The following RYR3 variants were observed in gnomAD, a reference collection of about 807,000 sequenced individuals.
RYR3 encodes ryanodine receptor 3.
In RYR3, 207 loss-of-function variants were observed where a neutral mutation model predicts 584.3. That is an observed-to-expected ratio of 0.35 (90% CI 0.32 to 0.40). The LOEUF (loss-of-function observed/expected upper bound fraction) is 0.40, where lower values mean the gene tolerates loss of function less well. Among genes scored for constraint, RYR3 ranks in the 10% least tolerant of loss-of-function variants. The pLI, the probability that RYR3 is intolerant of heterozygous loss-of-function variation, is 1.00. For synonymous variants in RYR3, 2,416 were observed against 2,248.5 expected, an observed-to-expected ratio of 1.07 and a Z score of -2.11; for missense variants, 5,616 against 6,089.2, an observed-to-expected ratio of 0.92 and a Z score of 2.59.
In RYR3 at chr15:33,603,146, G is replaced by A. The variant is rs1274684967; in HGVS notation, c.1946G>A (p.Gly649Glu). The A allele has an allele frequency of 6.2e-7, 1 of 1,613,750 alleles. No homozygotes were observed. Among genetic ancestry groups the A allele is most frequent in the Non-Finnish European group, 8.5e-7 (1 of 1,179,840 alleles). The part of the protein sequence containing the change: ...VTSIRPNIFL[G>E]VAEGSAQYKK... ...AGTATCCGGCCAAACATCTTCCTGGGAGTCGCGGAGGGCTCAGCCCAGTAC... is the reference window on the plus strand; with the variant it reads ...AGTATCCGGCCAAACATCTTCCTGGAAGTCGCGGAGGGCTCAGCCCAGTAC... The change falls in exon 18 of 104, where the codon GGA (glycine) becomes GAA (glutamate). Residue 649 changes from glycine (G) to glutamate (E), a missense_variant. Transcript: ENST00000634891.
chr15:33,478,440 C>T (rs760253770), intron 2 of RYR3, among the ~76,000 whole-genome samples: 5 of 152,180 alleles, frequency 3.3e-5, no homozygotes, highest in Non-Finnish European at 7.3e-5. Context: ...TCCACAAAGG[C>T]AGCCCCAGCT....
At chr15:33,647,815 A>T (rs1180895638) in intron 30 of RYR3, among the ~76,000 whole-genome samples, 2 of 152,138 alleles carry the variant, frequency 1.3e-5, no homozygotes, top group Non-Finnish European at 2.9e-5. Context: ...AACTTTTGTG[A>T]GTCAGCTGCC....
chr15:33,726,328 G>A (rs1380242807), intron 45 of RYR3, 58 bp from the exon 46 acceptor site: 13 of 1,600,292 alleles, frequency 8.1e-6, no homozygotes, highest in African/African-American at 1.3e-5. Flanking sequence ...TGGAGGTGGG[G>A]TGGAGGGAGG....
Position 33,853,107 on chromosome 15 carries a change from G to A in RYR3, c.13671+20G>A. ...AGAAAGGTATGCCTTGTTAGTGGGG[G>A]TGAGTTCCGTGATCACCAAAAAATG... is the stretch of plus-strand genomic sequence containing the variant. On this transcript the variant is annotated intron_variant, in intron 95 of 103. Coordinates refer to ENST00000634891, the MANE Select transcript of RYR3 (RefSeq NM_001036.6). 1 of 1,558,090 alleles carries A rather than the reference G, an allele frequency of 6.4e-7. No homozygotes were observed. The highest frequency in any genetic ancestry group is 8.7e-7 in the Non-Finnish European group (1 of 1,154,022).
At chr15:33,799,156 C>T (rs532084004) in intron 67 of RYR3, among the ~76,000 whole-genome samples, 104 of 152,150 alleles carry the variant, frequency 6.8e-4, no homozygotes, top group Non-Finnish European at 1.2e-3. Context: ...CACAGAGCTC[C>T]CAAAACTCAT....
Position 33,780,330 on chromosome 15 carries a change from G to C in RYR3, c.9257G>C (p.Arg3086Thr). 1.9e-6 allele frequency: 3 copies of C among 1,613,778 alleles called. No homozygotes were observed. The highest frequency in any genetic ancestry group is 2.5e-6 in the Non-Finnish European group (3 of 1,179,796). The change falls in exon 65 of 104, where the codon AGG (arginine) becomes ACG (threonine). Residue 3086 changes from arginine to threonine, a missense_variant. By Grantham distance (71) the Arg-to-Thr change is moderately conservative. Around this residue, in one of 9 missense-constraint regions of RYR3, gnomAD observed 954 missense variants for 1,132.2 expected, o/e 0.84. Coordinates refer to ENST00000634891, the MANE Select transcript of RYR3 (RefSeq NM_001036.6). The part of the protein sequence containing the change: ...PLSVFNTKTP[R>T]ERSILGMPDT... ...TCGGTCTTCAACACCAAAACCCCCA[G>C]GGAGAGGTCTAGTAAGTATCTCCCC...
Position 33,838,763 on chromosome 15 carries a change from C to A in RYR3, c.12783C>A (p.Thr4261=), listed in dbSNP as rs1267346819. The A allele has an allele frequency of 6.2e-7, 1 of 1,613,902 alleles. No individual in the cohort carries two copies. The highest frequency in any genetic ancestry group is 1.7e-5 in the Admixed American group (1 of 60,002). The change falls in exon 89 of 104, where the codon ACC becomes ACA. Residue 4261 remains threonine, a synonymous_variant. Coordinates refer to ENST00000634891, the MANE Select transcript of RYR3 (RefSeq NM_001036.6). ...CAGAGGTGATGGAGCCAGGTATCACCACTGAACTAGTACACTTCATAAAGG... is the reference window on the plus strand; with the variant it reads ...CAGAGGTGATGGAGCCAGGTATCACAACTGAACTAGTACACTTCATAAAGG... ...ERAEVMEPGI[T]TELVHFIKGE... is the part of the protein sequence containing the mutation.
At chr15:33,491,101 G>T (rs552665546) in intron 2 of RYR3, among the ~76,000 whole-genome samples, 61 of 152,262 alleles carry the variant, frequency 4.0e-4, no homozygotes, top group African/African-American at 1.4e-3. Context: ...GAAATTGTTG[G>T]TGGGGCTGAA....
At chr15:33,607,815 AACAC>A (rs1427945361) in intron 18 of RYR3, among the ~76,000 whole-genome samples, 1 of 152,156 alleles carries the variant, frequency 6.6e-6, no homozygotes, top group East Asian at 1.9e-4. Flanking sequence ...AGTTGAAAAA[AACAC>A]AAACAAATAG....
At chr15:33,523,243 C>T (rs1224941487) in intron 3 of RYR3, among the ~76,000 whole-genome samples, 1 of 152,172 alleles carries the variant, frequency 6.6e-6, no homozygotes, top group Non-Finnish European at 1.5e-5. Flanking sequence ...AAAAGCTGGC[C>T]ACCCGAGCCA....
chr15:33,515,210 C>T (rs536522502), intron 3 of RYR3, among the ~76,000 whole-genome samples: 2 of 152,304 alleles, frequency 1.3e-5, no homozygotes, highest in African/African-American at 4.8e-5. Flanking sequence ...AGCTTTGGAG[C>T]TGATTCTGTA....
At chr15:33,470,364 G>A (rs1321725911) in intron 1 of RYR3, among the ~76,000 whole-genome samples, 1 of 152,026 alleles carries the variant, frequency 6.6e-6, no homozygotes, top group Non-Finnish European at 1.5e-5. Context: ...TTGTGGTCTT[G>A]TTCCAGTGAG....
chr15:33,668,511 G>A (rs9302275), intron 36 of RYR3, among the ~76,000 whole-genome samples: 152,143 of 152,298 alleles, frequency 1, 75,994 homozygotes, highest in Middle Eastern at 1. Flanking sequence ...GGAAATTTAT[G>A]AAATACAAAA....
At chr15:33,668,509 A>T (rs2063624657) in intron 36 of RYR3, among the ~76,000 whole-genome samples, 1 of 152,244 alleles carries the variant, frequency 6.6e-6, no homozygotes, top group Non-Finnish European at 1.5e-5. Flanking sequence ...TGGGAAATTT[A>T]TGAAATACAA....
chr15:33,429,116 T>C (rs919150534), intron 1 of RYR3, among the ~76,000 whole-genome samples: 3 of 152,156 alleles, frequency 2.0e-5, no homozygotes, highest in African/African-American at 4.8e-5. Flanking sequence ...CGTCTTCTCA[T>C]ACTCCCTTAG....
In RYR3 at chr15:33,644,507, T is replaced by C; in HGVS notation, c.3753T>C (p.His1251=). ...CGTTTGTCAACGTGCCAAAGGATCA[T>C]CCACACATAGAGGTAATGTTACACA... is the stretch of plus-strand genomic sequence containing the variant. ...LPTFVNVPKD[H]PHIEVMRIDG... The change falls in exon 28 of 104, where the codon CAT becomes CAC. Residue 1251 remains histidine (H), a synonymous_variant. Coordinates refer to ENST00000634891, the MANE Select transcript of RYR3 (RefSeq NM_001036.6). The C allele has an allele frequency of 2.5e-6, 4 of 1,613,266 alleles. No individual in the cohort carries two copies. The highest frequency in any genetic ancestry group is 3.4e-6 in the Non-Finnish European group (4 of 1,179,362).
intron 67 of RYR3, among the ~76,000 whole-genome samples, chr15:33,791,259 G>T (rs1289360838): frequency 6.6e-6 from 1 of 152,184 alleles, no homozygotes; most frequent in Non-Finnish European, 1.5e-5. Flanking sequence ...CTATGAACAT[G>T]TAAGAGAGAG....
At chr15:33,666,310 C>T (rs959249850) in intron 36 of RYR3, among the ~76,000 whole-genome samples, 1 of 152,084 alleles carries the variant, frequency 6.6e-6, no homozygotes, top group Non-Finnish European at 1.5e-5. Flanking sequence ...AGCCTCACTC[C>T]TAGGGTTTCT....
chr15:33,522,055 A>C (rs1385035101), intron 3 of RYR3, among the ~76,000 whole-genome samples: 1 of 148,858 alleles, frequency 6.7e-6, no homozygotes, highest in African/African-American at 2.5e-5. Context: ...TGAGTTCGAG[A>C]CCAGCCTGGC....
Sources: gnomAD v4.1 joint callset for allele counts (sites outside exome capture counted in the v4.1 genomes callset) on GRCh38, gnomAD v4.1.1 for gene constraint, gnomAD v4.1.1 regional missense constraint, MANE v1.5 for transcripts, NCBI Gene and HGNC (gene_info 2026-07-23, HGNC 2026-07-21) for gene names.